Variants in PRKCH observed in about 807,000 individuals in gnomAD.
PRKCH encodes the protein protein kinase C eta type.
PRKCH carries 28 observed loss-of-function variants against 82.5 expected under a neutral mutation model. The ratio of observed to expected loss-of-function variants is 0.34; its 90% CI spans 0.25 to 0.47. PRKCH has a LOEUF of 0.47. Among genes scored for constraint, PRKCH ranks in the 20% least tolerant of loss-of-function variants. The probability of loss-of-function intolerance (pLI) is 1.00; values close to 1 mark genes in which losing one functional copy is unlikely to be tolerated. For synonymous variants in PRKCH, 322 were observed against 327.4 expected, an observed-to-expected ratio of 0.98 and a Z score of 0.18; for missense variants, 705 against 881.8, an observed-to-expected ratio of 0.80 and a Z score of 2.54.
At chr14:61,361,371 T>G (rs1165973715) in intron 1 of PRKCH, among the ~76,000 whole-genome samples, 1 of 152,216 alleles carries the variant, frequency 6.6e-6, no homozygotes. Context: ...TTATCATAGG[T>G]AATTATCACA....
intron 9 of PRKCH, among the ~76,000 whole-genome samples, chr14:61,467,229 C>T (rs1030520881): frequency 6.6e-6 from 1 of 152,214 alleles, no homozygotes; most frequent in Non-Finnish European, 1.5e-5. Context: ...TTAGCTGGCC[C>T]ACTTGTCTTT....
At chr14:61,220,327 A>G (rs1188188856) in intron 1 of PRKCH, among the ~76,000 whole-genome samples, 1 of 152,222 alleles carries the variant, frequency 6.6e-6, no homozygotes, top group Non-Finnish European at 1.5e-5. Flanking sequence ...AGCTATAGCT[A>G]TTGGACAAAA....
chr14:61,433,054 A>AAAAAAAAAAAAAAAAAAAAAAAAAAAT (rs1883496655), intron 2 of PRKCH, among the ~76,000 whole-genome samples: 1 of 151,820 alleles, frequency 6.6e-6, no homozygotes, highest in African/African-American at 2.4e-5. Context: ...AAAAAAAAAA[A>AAAAAAAAAAAAAAAAAAAAAAAAAAAT]AAAAAAACTA....
chr14:61,212,734 G>A (rs1226140136), intron 1 of PRKCH, among the ~76,000 whole-genome samples: 1 of 152,166 alleles, frequency 6.6e-6, no homozygotes, highest in East Asian at 1.9e-4. Context: ...GAGTATACAA[G>A]GGTAAATAAG....
intron 1 of PRKCH, among the ~76,000 whole-genome samples, chr14:61,194,619 T>C (rs2044429051): frequency 6.6e-6 from 1 of 152,228 alleles, no homozygotes; most frequent in Non-Finnish European, 1.5e-5. Flanking sequence ...TATATTGTTA[T>C]AGCAGCCCAA....
chr14:61,423,652 A>G (rs1422478438), intron 2 of PRKCH, among the ~76,000 whole-genome samples: 1 of 152,158 alleles, frequency 6.6e-6, no homozygotes, highest in African/African-American at 2.4e-5. Flanking sequence ...TTTGACAGGA[A>G]CATAGGTTTG....
intron 1 of PRKCH, chr14:61,306,258 A>G (rs1413826000): frequency 3.3e-5 from 5 of 152,198 alleles, no homozygotes; most frequent in Non-Finnish European, 7.3e-5. Flanking sequence ...TCTCTTGTTC[A>G]TAGCAACCAT....
At chr14:61,298,263 GC>G (rs2045420286) in intron 1 of PRKCH, 1 of 152,306 alleles carries the variant, frequency 6.6e-6, no homozygotes, top group Non-Finnish European at 1.5e-5. Context: ...TTCAGTCCAT[GC>G]AGCCACTTCT....
intron 10 of PRKCH, among the ~76,000 whole-genome samples, chr14:61,526,235 A>G (rs1181517680): frequency 6.6e-6 from 1 of 152,180 alleles, no homozygotes; most frequent in African/African-American, 2.4e-5. Flanking sequence ...TATATGGGAC[A>G]TGGGATTCTG....
chr14:61,311,767 T>C (rs967671683), intron 1 of PRKCH, among the ~76,000 whole-genome samples: 4 of 152,254 alleles, frequency 2.6e-5, no homozygotes, highest in Non-Finnish European at 5.9e-5. Context: ...TGCAAAGTAA[T>C]TGTAGTTTTT....
chr14:61,238,762 C>T (rs1261647706), intron 1 of PRKCH, among the ~76,000 whole-genome samples: 4 of 152,192 alleles, frequency 2.6e-5, no homozygotes, highest in African/African-American at 9.7e-5. Flanking sequence ...TTTCCCCATT[C>T]TCTTGTTAAT....
chr14:61,454,820 G>A (rs1296857414), intron 7 of PRKCH, among the ~76,000 whole-genome samples: 1 of 152,204 alleles, frequency 6.6e-6, no homozygotes. Context: ...TCAGCGTCTA[G>A]AGATGGGAAA....
intron 1 of PRKCH, among the ~76,000 whole-genome samples, chr14:61,286,750 T>G (rs2045317313): frequency 6.6e-6 from 1 of 151,920 alleles, no homozygotes; most frequent in South Asian, 2.1e-4. Context: ...CACTCCAACC[T>G]GGGCGACAAA....
chr14:61,505,142 G>A (rs193206956), intron 10 of PRKCH, among the ~76,000 whole-genome samples: 1 of 152,234 alleles, frequency 6.6e-6, no homozygotes, highest in East Asian at 1.9e-4. Flanking sequence ...TTTCATTGCT[G>A]AATGTCTGAA....
intron 10 of PRKCH, among the ~76,000 whole-genome samples, chr14:61,519,274 T>TATGA (rs34647037): frequency 2.4e-3 from 360 of 147,278 alleles, no homozygotes; most frequent in East Asian, 9.1e-3. Context: ...AGAATGAGAT[T>TATGA]ATGAATGAAT....
intron 1 of PRKCH, among the ~76,000 whole-genome samples, chr14:61,227,488 G>T (rs1055536043): frequency 2.0e-5 from 3 of 152,156 alleles, no homozygotes; most frequent in Non-Finnish European, 2.9e-5. Flanking sequence ...CAGCGACTCG[G>T]GAGGCTGAGG....
chr14:61,521,585 T>TA (rs1197795286), intron 10 of PRKCH, among the ~76,000 whole-genome samples: 1 of 151,706 alleles, frequency 6.6e-6, no homozygotes, highest in Non-Finnish European at 1.5e-5. Context: ...TTTTTTTTTT[T>TA]AAGATAGAGT....
intron 1 of PRKCH, among the ~76,000 whole-genome samples, chr14:61,313,772 A>ACTCC (rs1326865821): frequency 6.6e-6 from 1 of 151,596 alleles, no homozygotes; most frequent in African/African-American, 2.4e-5. Context: ...CCTTATATAA[A>ACTCC]CGTCAGATCC....
chr14:61,431,885 G>C (rs1883414335), intron 2 of PRKCH, among the ~76,000 whole-genome samples: 1 of 152,076 alleles, frequency 6.6e-6, no homozygotes. Context: ...GCCCTGCTTT[G>C]CATCTTCTTT....
Sources: allele counts gnomAD v4.1 joint callset (sites outside exome capture counted in the v4.1 genomes callset), GRCh38; gene constraint gnomAD v4.1.1; transcripts MANE v1.5; gene names NCBI Gene and HGNC (gene_info 2026-07-23, HGNC 2026-07-21).